Variants in PTK2 observed in about 807,000 individuals in gnomAD.
The protein encoded by PTK2 is focal adhesion kinase 1.
Under a neutral mutation model 150.1 loss-of-function variants are expected in PTK2, and 45 were observed. That is an observed-to-expected ratio of 0.30 (90% confidence interval 0.24 to 0.38). PTK2 has a LOEUF of 0.38. Ranked by LOEUF, PTK2 falls within the 10% of genes least tolerant of loss-of-function variation. The pLI is 1.00. For synonymous variants in PTK2, 432 were observed against 449.2 expected, an observed-to-expected ratio of 0.96 and a Z score of 0.48; for missense variants, 919 against 1,307.3, an observed-to-expected ratio of 0.70 and a Z score of 4.58.
chr8:140,909,904 T>G (rs2100162435), intron 2 of PTK2, among the ~76,000 whole-genome samples: 1 of 152,172 alleles, frequency 6.6e-6, no homozygotes, highest in Non-Finnish European at 1.5e-5. Flanking sequence ...CTTACTATGG[T>G]AACATCTGGT....
Position 140,931,928 on chromosome 8 carries a change from CAAAAAAAAAAAAAA to C in PTK2, c.-121-6193_-121-6180del, listed in dbSNP as rs765792463. ...AGCCTGGGCGACAGAGACCCAGTCT[CAAAAAAAAAAAAAA>C]AAAAAAAAAAAAGCTGCATTAAATT... On this transcript the variant is annotated intron_variant, in intron 1 of 31. Transcript: ENST00000522684. Among the ~76,000 whole-genome samples the C allele has an allele frequency of 1.3e-4, 7 of 54,634 alleles. 1 individual carries two copies. The highest frequency in any genetic ancestry group is 5.0e-4 in the African/African-American group (7 of 13,924). The allele number at this position is 54,634 out of a possible 152,430, so 35.8% of individuals were successfully genotyped here. A position where few individuals can be genotyped will look rare whatever the true frequency, so the allele number is the denominator to read the frequency against.
At chr8:140,949,492 C>A (rs1292262062) in intron 1 of PTK2, among the ~76,000 whole-genome samples, 1 of 152,242 alleles carries the variant, frequency 6.6e-6, no homozygotes, top group Non-Finnish European at 1.5e-5. Flanking sequence ...GCCCCCCCGC[C>A]CTCACAGGCT....
intron 3 of PTK2, among the ~76,000 whole-genome samples, chr8:140,881,723 G>A (rs1168890224): frequency 6.6e-6 from 1 of 152,168 alleles, no homozygotes; most frequent in East Asian, 1.9e-4. Context: ...AGCTTCTCCA[G>A]TTGCCTTCTG....
At chr8:140,907,436 A>G (rs2100161400) in intron 2 of PTK2, among the ~76,000 whole-genome samples, 1 of 152,234 alleles carries the variant, frequency 6.6e-6, no homozygotes, top group Non-Finnish European at 1.5e-5. Flanking sequence ...ATTTGGGAGC[A>G]TATCGAATTT....
intron 22 of PTK2, among the ~76,000 whole-genome samples, chr8:140,727,556 T>C (rs1212282181): frequency 6.6e-6 from 1 of 150,788 alleles, no homozygotes; most frequent in Non-Finnish European, 1.5e-5. Flanking sequence ...TTGAAAGGAA[T>C]TTTGGAAGCA....
chr8:140,734,704 G>A (rs1298657797), intron 22 of PTK2: 1 of 516,236 alleles, frequency 1.9e-6, no homozygotes, highest in Non-Finnish European at 3.9e-6. Context: ...TATTCAAAAG[G>A]TGGCAAAGGA....
At chr8:140,888,618 G>GT (rs765659602) in intron 3 of PTK2, among the ~76,000 whole-genome samples, 6 of 152,222 alleles carry the variant, frequency 3.9e-5, no homozygotes, top group African/African-American at 1.2e-4. Context: ...TGACTAGGAA[G>GT]TTTTTAACAT....
chr8:140,853,353 A>C (rs1176381604), intron 5 of PTK2, among the ~76,000 whole-genome samples: 2 of 62,022 alleles, frequency 3.2e-5, no homozygotes, highest in African/African-American at 7.0e-5. Context: ...CCCCCACCCC[A>C]CGACAGGCCC....
At chr8:140,660,164 C>T (rs1021090210) in intron 31 of PTK2, among the ~76,000 whole-genome samples, 13 of 152,280 alleles carry the variant, frequency 8.5e-5, no homozygotes, top group African/African-American at 2.2e-4. Flanking sequence ...TCTCCATTTG[C>T]GCTGTTTAGA....
chr8:140,808,207 A>G (rs564212076), intron 10 of PTK2, among the ~76,000 whole-genome samples: 4 of 152,190 alleles, frequency 2.6e-5, no homozygotes, highest in Non-Finnish European at 5.9e-5. Context: ...CTGCTACAGG[A>G]AAGAGTGGGC....
At chr8:140,733,374 T>C (rs2100050677) in intron 22 of PTK2, among the ~76,000 whole-genome samples, 1 of 152,046 alleles carries the variant, frequency 6.6e-6, no homozygotes, top group African/African-American at 2.4e-5. Context: ...AGCAAAGCCA[T>C]GTGAATGGGT....
rs1422913811 is a variant in PTK2 at position 140,747,119 on chromosome 8, T to C, written c.1418-259A>G. The C allele has an allele frequency of 1.6e-5, 5 of 307,262 alleles. No homozygotes were observed. In the South Asian group the frequency reaches 2.0e-4, roughly 13 times the overall value. The allele number at this position is 307,262 out of a possible 1,614,324, so 19.0% of individuals were successfully genotyped here. A position where few individuals can be genotyped will look rare whatever the true frequency, so the allele number is the denominator to read the frequency against. ...GTTGGCCAGGATGGTCTCGATCTCT[T>C]GACCTCATGATCTACCCGCCTTGGC... On this transcript the variant is annotated intron_variant, in intron 17 of 31. Coordinates refer to ENST00000522684, the Ensembl canonical transcript of PTK2.
At chr8:140,774,438 A>G (rs1484061857) in intron 14 of PTK2, among the ~76,000 whole-genome samples, 2 of 152,220 alleles carry the variant, frequency 1.3e-5, no homozygotes, top group African/African-American at 4.8e-5. Flanking sequence ...GGAAGATGGC[A>G]GAATGGGCTG....
chr8:140,818,205 G>A, intron 10 of PTK2, 72 bp downstream of exon 10: 1 of 1,344,606 alleles, frequency 7.4e-7, no homozygotes, highest in Non-Finnish European at 1.1e-6. Flanking sequence ...TTTTCCAAAA[G>A]AATGCCCCAT....
chr8:140,944,115 C>G (rs565074489), intron 1 of PTK2, among the ~76,000 whole-genome samples: 6 of 152,202 alleles, frequency 3.9e-5, no homozygotes, highest in East Asian at 1.9e-4. Flanking sequence ...ATCCCCGTCT[C>G]TTCCTTTCTC....
intron 3 of PTK2, chr8:140,890,292 A>G: frequency 2.5e-6 from 1 of 396,620 alleles, no homozygotes. Context: ...CCTAGAAGGG[A>G]AAAATAAGTC....
intron 16 of PTK2, among the ~76,000 whole-genome samples, chr8:140,759,354 T>A (rs1303118206): frequency 6.6e-6 from 1 of 151,686 alleles, no homozygotes; most frequent in Non-Finnish European, 1.5e-5. Flanking sequence ...GGCAACATCA[T>A]GGGACCCTGT....
At chr8:140,882,598 G>T (rs942034987) in intron 3 of PTK2, among the ~76,000 whole-genome samples, 11 of 152,114 alleles carry the variant, frequency 7.2e-5, no homozygotes, top group Non-Finnish European at 4.4e-5. Context: ...CATGGTAAAA[G>T]AATTCTTTTC....
intron 20 of PTK2, among the ~76,000 whole-genome samples, chr8:140,742,028 T>G (rs2100055996): frequency 6.6e-6 from 1 of 152,132 alleles, no homozygotes; most frequent in Admixed American, 6.5e-5. Flanking sequence ...ACCAGCAATT[T>G]GGGAGGCTAA....
Sources: gnomAD v4.1 joint callset for allele counts (sites outside exome capture counted in the v4.1 genomes callset) on GRCh38, gnomAD v4.1.1 for gene constraint, MANE v1.5 for transcripts, NCBI Gene and HGNC (gene_info 2026-07-23, HGNC 2026-07-21) for gene names.